The following PDXDC1 variants were observed in gnomAD, a reference collection of about 807,000 sequenced individuals.
The protein encoded by PDXDC1 is pyridoxal dependent decarboxylase domain containing 1.
In PDXDC1, 42 loss-of-function variants were observed where a neutral mutation model predicts 100.1. That is an observed-to-expected ratio of 0.42 (90% CI 0.33 to 0.54). The LOEUF (loss-of-function observed/expected upper bound fraction) is 0.54, where lower values mean the gene tolerates loss of function less well. Among genes scored for constraint, PDXDC1 ranks in the 20% least tolerant of loss-of-function variants. The pLI is 0.10. For missense variants in PDXDC1, 636 were observed against 979.2 expected (o/e 0.65, Z 4.68); for synonymous variants, 260 against 371.7 (o/e 0.70, Z 3.46).
At chr16:15,051,849 G>A (rs563109421) in intron 16 of PDXDC1, among the ~76,000 whole-genome samples, 196 of 152,090 alleles carry the variant, frequency 1.3e-3, no homozygotes, top group African/African-American at 4.5e-3. Context: ...AACCACAGGC[G>A]CACGCCACCA....
chr16:15,049,490 G>A (rs1260675919), intron 16 of PDXDC1, among the ~76,000 whole-genome samples: 1 of 151,622 alleles, frequency 6.6e-6, no homozygotes, highest in Admixed American at 6.6e-5. Context: ...GTGCAGTGGC[G>A]TGATCTCAGT....
At chr16:15,058,985 A>T (rs184203565) in intron 16 of PDXDC1, among the ~76,000 whole-genome samples, 1 of 152,314 alleles carries the variant, frequency 6.6e-6, no homozygotes, top group African/African-American at 2.4e-5. Flanking sequence ...AGTCAGACTG[A>T]AACACACAAA....
At chr16:15,111,980 C>T (rs972171950) in intron 16 of PDXDC1, among the ~76,000 whole-genome samples, 3 of 147,786 alleles carry the variant, frequency 2.0e-5, no homozygotes, top group Non-Finnish European at 4.6e-5. Flanking sequence ...GAGCATCTTT[C>T]TTCTGTCCCT....
chr16:15,102,401 T>C (rs1209422619), intron 16 of PDXDC1, among the ~76,000 whole-genome samples: 2 of 152,052 alleles, frequency 1.3e-5, no homozygotes, highest in African/African-American at 2.4e-5. Context: ...GGCTTGTGCC[T>C]GGGCTGAGGC....
At chr16:15,065,089 C>A (rs2151761585) in intron 16 of PDXDC1, 3 of 873,552 alleles carry the variant, frequency 3.4e-6, no homozygotes, top group African/African-American at 1.7e-5. Flanking sequence ...TGGTGTGAAC[C>A]CGGGAGGCGG....
intron 16 of PDXDC1, chr16:15,125,381 C>T: frequency 5.5e-6 from 4 of 729,778 alleles, no homozygotes; most frequent in South Asian, 3.1e-5. Flanking sequence ...ACACAGCCCA[C>T]CCCCGTCCAG....
intron 16 of PDXDC1, among the ~76,000 whole-genome samples, chr16:15,117,700 G>GA (rs1567277028): frequency 4.9e-4 from 19 of 39,078 alleles, no homozygotes; most frequent in East Asian, 7.7e-4. Context: ...TTGGGGGTGA[G>GA]AAAAGAAAAA....
intron 8 of PDXDC1, among the ~76,000 whole-genome samples, chr16:15,013,451 TGGGGTTGATGGGATTTG>T (rs1434354929): frequency 1.3e-5 from 2 of 152,060 alleles, no homozygotes; most frequent in African/African-American, 2.4e-5. Context: ...GTAATTATAT[TGGGGTTGATGGGATTTG>T]GGGGTTGATG....
chr16:15,128,747 T>G (rs146787772), intron 16 of PDXDC1, among the ~76,000 whole-genome samples: 6 of 151,278 alleles, frequency 4.0e-5, no homozygotes, highest in Non-Finnish European at 7.4e-5. Context: ...AGTTCATGCA[T>G]AGACTGCAAA....
At chr16:15,096,743 C>T (rs906824755) in intron 16 of PDXDC1, among the ~76,000 whole-genome samples, 2 of 152,258 alleles carry the variant, frequency 1.3e-5, no homozygotes, top group African/African-American at 2.4e-5. Flanking sequence ...AGCGCAATGG[C>T]GCGATCATGG....
At chr16:15,039,395 T>G (rs912443340), downstream of PDXDC1, among the ~76,000 whole-genome samples, 2 of 152,228 alleles carry the variant, frequency 1.3e-5, no homozygotes, top group Non-Finnish European at 1.5e-5. Flanking sequence ...TTCCGTTTTT[T>G]CACACTTTGA....
chr16:15,122,143 G>A (rs1039860685), intron 16 of PDXDC1, among the ~76,000 whole-genome samples: 5 of 152,030 alleles, frequency 3.3e-5, no homozygotes, highest in South Asian at 2.1e-4. Context: ...CAGCCTGGGC[G>A]ACAGAGTGAG....
intron 16 of PDXDC1, among the ~76,000 whole-genome samples, chr16:15,070,484 G>T (rs2045176285): frequency 6.6e-6 from 1 of 151,814 alleles, no homozygotes; most frequent in Non-Finnish European, 1.5e-5. Flanking sequence ...CTAGGAACAG[G>T]TGAGCCCCTA....
chr16:15,020,186 C>T (rs541481717), intron 12 of PDXDC1, among the ~76,000 whole-genome samples: 128 of 152,182 alleles, frequency 8.4e-4, no homozygotes, highest in African/African-American at 3.0e-3. Flanking sequence ...CTGAGCCCTC[C>T]CTAAGCTCAG....
chr16:14,975,037 C>A lies in PDXDC1; in HGVS notation c.-163C>A. 2 of 1,523,080 alleles carry A rather than the reference C, an allele frequency of 1.3e-6. No individual in the cohort carries two copies. The highest frequency in any genetic ancestry group is 1.8e-6 in the Non-Finnish European group (2 of 1,141,776). The allele number at this position is 1,523,080 out of a possible 1,614,324, so 94.3% of individuals were successfully genotyped here. A position where few individuals can be genotyped will look rare whatever the true frequency, so the allele number is the denominator to read the frequency against. On this transcript the variant is annotated 5_prime_UTR_variant, in exon 1 of 23. Transcript: ENST00000396410. The stretch of plus-strand genomic sequence containing the variant: ...CCCCGCCCCGCCGCCTCTCAACCAT[C>A]AGGTTCGGCAGCCCGCGGCGCCGCC...
chr16:15,037,480 GT>G lies in PDXDC1; in HGVS notation c.*1213del, dbSNP rs575708734. The G allele has an allele frequency of 3.3e-5, 5 of 152,048 alleles. No individual in the cohort carries two copies. The highest frequency in any genetic ancestry group is 7.2e-5 in the African/African-American group (3 of 41,426). The allele number at this position is 152,048 out of a possible 1,614,324, so 9.4% of individuals were successfully genotyped here. On this transcript the variant is annotated 3_prime_UTR_variant, in exon 23 of 23. Transcript: ENST00000396410. ...ATTTACACTTGTCAAAATGCAGGGG[GT>G]TTTTTTTGGTGCAGATGATTAAACA...
chr16:15,088,763 A>G (rs2046004592), intron 16 of PDXDC1, among the ~76,000 whole-genome samples: 1 of 152,210 alleles, frequency 6.6e-6, no homozygotes. Flanking sequence ...ATGTATAGTG[A>G]CCAAGCCAAC....
In PDXDC1 at chr16:15,036,158, G is replaced by A. The variant is rs1422411827; in HGVS notation, c.2250G>A (p.Glu750=). 1 of 1,614,184 alleles carries A rather than the reference G, an allele frequency of 6.2e-7. No individual in the cohort carries two copies. The highest frequency in any genetic ancestry group is 8.5e-7 in the Non-Finnish European group (1 of 1,180,044). Residue 750 remains glutamate, a synonymous_variant, in exon 23 of 23, where the codon GAG becomes GAA. Coordinates refer to ENST00000396410, the MANE Select transcript of PDXDC1 (RefSeq NM_015027.4). Reference sequence around the variant, plus strand: ...TCACCCTCGAGGCCAGCAGCACTGAGGGACACCCAGGGGCTCCCAGCCCTC... The same window carrying A: ...TCACCCTCGAGGCCAGCAGCACTGAAGGACACCCAGGGGCTCCCAGCCCTC... ...EQITLEASST[E]GHPGAPSPQH... is the part of the protein sequence containing the mutation.
chr16:14,977,423 G>A (rs1342122600), intron 1 of PDXDC1, among the ~76,000 whole-genome samples: 27 of 152,226 alleles, frequency 1.8e-4, no homozygotes, highest in Non-Finnish European at 3.8e-4. Flanking sequence ...GTGACTACAG[G>A]CGTGTGACAC....
Sources: allele counts gnomAD v4.1 joint callset (sites outside exome capture counted in the v4.1 genomes callset), GRCh38; gene constraint gnomAD v4.1.1; transcripts MANE v1.5; gene names NCBI Gene and HGNC (gene_info 2026-07-23, HGNC 2026-07-21).